Variants in ULK4 observed in about 807,000 individuals in gnomAD.
ULK4 encodes the protein unc-51 like kinase 4.
A neutral mutation model predicts 160.6 loss-of-function variants in ULK4; 133 were observed. The ratio of observed to expected loss-of-function variants is 0.83; its 90% CI spans 0.72 to 0.96. ULK4 has a LOEUF of 0.96. Ranked by LOEUF, ULK4 falls within the 40% of genes least tolerant of loss-of-function variation. ULK4 has a pLI of 0.00. For missense variants in ULK4, 1,580 were observed against 1,499.5 expected (o/e 1.05, Z -0.89); for synonymous variants, 534 against 539.8 (o/e 0.99, Z 0.15).
chr3:41,613,628 T>C (rs1559433080), intron 31 of ULK4, among the ~76,000 whole-genome samples: 2 of 152,224 alleles, frequency 1.3e-5, no homozygotes, highest in African/African-American at 2.4e-5. Flanking sequence ...GCTACAAAGA[T>C]ATTTCATCGA....
At chr3:41,856,552 TATATATATAC>T (rs1559611017) in intron 17 of ULK4, among the ~76,000 whole-genome samples, 21 of 48,856 alleles carry the variant, frequency 4.3e-4, no homozygotes, top group African/African-American at 2.3e-3. Context: ...TATATATGTG[TATATATATAC>T]ACATATATAT....
chr3:41,484,752 C>T (rs9835628), intron 32 of ULK4, among the ~76,000 whole-genome samples: 62,032 of 151,756 alleles, frequency 0.41, 12,844 homozygotes, highest in African/African-American at 0.43. Flanking sequence ...GCGCCCGGCC[C>T]GAGTGACCTT....
At chr3:41,540,376 T>C (rs9835265) in intron 32 of ULK4, among the ~76,000 whole-genome samples, 51,148 of 152,062 alleles carry the variant, frequency 0.34, 8,956 homozygotes, top group African/African-American at 0.41. Flanking sequence ...CTCATTCTTT[T>C]TTATGGCTGC....
intron 31 of ULK4, among the ~76,000 whole-genome samples, chr3:41,594,215 T>A (rs2125650369): frequency 6.6e-6 from 1 of 152,296 alleles, no homozygotes; most frequent in Non-Finnish European, 1.5e-5. Context: ...ATATGCATAG[T>A]TGCTTACTTA....
chr3:41,526,455 T>C (rs2086120068), intron 32 of ULK4, among the ~76,000 whole-genome samples: 1 of 152,216 alleles, frequency 6.6e-6, no homozygotes, highest in Non-Finnish European at 1.5e-5. Context: ...TTCTGCCTAA[T>C]GTGCTTCCTG....
chr3:41,803,603 T>C (rs1449606873), intron 19 of ULK4, among the ~76,000 whole-genome samples: 1 of 152,164 alleles, frequency 6.6e-6, no homozygotes, highest in Admixed American at 6.6e-5. Flanking sequence ...TCATTTAACA[T>C]TAGGTATATC....
intron 31 of ULK4, among the ~76,000 whole-genome samples, chr3:41,602,066 T>C (rs2032101868): frequency 6.6e-6 from 1 of 151,890 alleles, no homozygotes; most frequent in Non-Finnish European, 1.5e-5. Flanking sequence ...CATGGTGGTG[T>C]GTGCCTATAA....
At chr3:41,679,399 T>C (rs534908884) in intron 29 of ULK4, among the ~76,000 whole-genome samples, 11 of 152,324 alleles carry the variant, frequency 7.2e-5, no homozygotes, top group East Asian at 3.9e-4. Flanking sequence ...ACTCAAGGCT[T>C]ATACGCTACA....
At chr3:41,764,239 T>A (rs1396819386) in intron 21 of ULK4, among the ~76,000 whole-genome samples, 1 of 152,242 alleles carries the variant, frequency 6.6e-6, no homozygotes, top group Non-Finnish European at 1.5e-5. Flanking sequence ...TTAAACTTTA[T>A]ATTAAAACAA....
chr3:41,944,112 G>A (rs893987248), intron 2 of ULK4, among the ~76,000 whole-genome samples: 4 of 152,110 alleles, frequency 2.6e-5, no homozygotes, highest in Non-Finnish European at 4.4e-5. Flanking sequence ...TAACCCCGTG[G>A]CACCCTCTTT....
rs1284512752 is a variant in ULK4, at chr3:41,827,215, C to T, written c.1765-7709G>A. On this transcript the variant is annotated intron_variant, in intron 18 of 36. Coordinates refer to ENST00000301831, the MANE Select transcript of ULK4 (RefSeq NM_017886.4). Reference sequence around the variant, plus strand: ...GCCCACAAGAGAAAGCAGGAAAGATCTAAAATTGACACCTTAACATCACAA... The same window carrying T: ...GCCCACAAGAGAAAGCAGGAAAGATTTAAAATTGACACCTTAACATCACAA... 2.1e-5 allele frequency among the ~76,000 whole-genome samples: 3 copies of T among 145,966 alleles called. No individual in the cohort carries two copies. The South Asian group carries it at 6.6e-4, about 32-fold the overall frequency.
intron 2 of ULK4, among the ~76,000 whole-genome samples, chr3:41,945,271 C>G (rs1187946981): frequency 6.6e-6 from 1 of 151,796 alleles, no homozygotes; most frequent in Non-Finnish European, 1.5e-5. Context: ...GGATGGATGC[C>G]TTGGGGCCTT....
chr3:41,373,179 C>G (rs573185390), intron 35 of ULK4, among the ~76,000 whole-genome samples: 2 of 152,236 alleles, frequency 1.3e-5, no homozygotes, highest in South Asian at 4.1e-4. Context: ...GACTGCCACA[C>G]AATAATAGTG....
At chr3:41,925,098 T>C (rs1284225624) in intron 5 of ULK4, among the ~76,000 whole-genome samples, 1 of 152,116 alleles carries the variant, frequency 6.6e-6, no homozygotes, top group East Asian at 1.9e-4. Flanking sequence ...GAAATTTGCT[T>C]TGGAGATGCT....
intron 32 of ULK4, among the ~76,000 whole-genome samples, chr3:41,489,356 A>T (rs549293685): frequency 6.6e-6 from 1 of 152,304 alleles, no homozygotes; most frequent in East Asian, 1.9e-4. Context: ...GCTGACTTGT[A>T]ATATAATCCT....
chr3:41,464,712 T>A (rs2083783159), intron 32 of ULK4, among the ~76,000 whole-genome samples: 1 of 152,170 alleles, frequency 6.6e-6, no homozygotes, highest in South Asian at 2.1e-4. Context: ...TGGGGGTTCC[T>A]GATGACTTTG....
At chr3:41,914,142 T>C (rs1320798200) in intron 8 of ULK4, among the ~76,000 whole-genome samples, 2 of 152,226 alleles carry the variant, frequency 1.3e-5, no homozygotes, top group African/African-American at 4.8e-5. Flanking sequence ...TAATAGAGTA[T>C]ACCTCTAGAT....
chr3:41,906,960 T>G (rs1450048237), intron 12 of ULK4, among the ~76,000 whole-genome samples: 1 of 148,766 alleles, frequency 6.7e-6, no homozygotes, highest in Non-Finnish European at 1.5e-5. Flanking sequence ...GCCACTGCAC[T>G]CCAGCCTGGC....
chr3:41,742,296 A>G (rs967917714), intron 22 of ULK4, among the ~76,000 whole-genome samples: 56 of 152,036 alleles, frequency 3.7e-4, no homozygotes, highest in African/African-American at 1.3e-3. Context: ...GGTAGTGTCT[A>G]TAAGACCCAG....
Sources: allele counts gnomAD v4.1 joint callset (sites outside exome capture counted in the v4.1 genomes callset), GRCh38; gene constraint gnomAD v4.1.1; transcripts MANE v1.5; gene names NCBI Gene and HGNC (gene_info 2026-07-23, HGNC 2026-07-21).